IGF2R: variants seen among roughly 807,000 people sequenced by gnomAD.
IGF2R encodes the protein cation-independent mannose-6-phosphate receptor.
In IGF2R, 91 loss-of-function variants were observed where a neutral mutation model predicts 270.6. The ratio of observed to expected loss-of-function variants is 0.34; its 90% confidence interval spans 0.28 to 0.40. IGF2R has a LOEUF of 0.40. Among genes scored for constraint, IGF2R ranks in the 10% least tolerant of loss-of-function variants. The probability of loss-of-function intolerance (pLI) is 1.00; values close to 1 mark genes in which losing one functional copy is unlikely to be tolerated. For missense variants in IGF2R, 2,805 were observed against 3,188.3 expected, an observed-to-expected ratio of 0.88 and a Z score of 2.90; for synonymous variants, 1,316 against 1,258.9, an observed-to-expected ratio of 1.05 and a Z score of -0.96.
intron 29 of IGF2R, among the ~76,000 whole-genome samples, chr6:160,065,383 C>G (rs1439111923): frequency 6.6e-6 from 1 of 152,172 alleles, no homozygotes; most frequent in African/African-American, 2.4e-5. Context: ...GTATGAGCCA[C>G]TTGATCACTG....
At chr6:160,043,742 C>T (rs917220511) in intron 12 of IGF2R, among the ~76,000 whole-genome samples, 5 of 152,308 alleles carry the variant, frequency 3.3e-5, no homozygotes, top group East Asian at 1.9e-4. Flanking sequence ...GTTTTGGTCC[C>T]GTAGCTGTCA....
Position 160,104,920 on chromosome 6 carries a change from G to T in IGF2R, c.7312G>T (p.Ala2438Ser). Reference sequence around the variant, plus strand: ...AGAGAGCTCCCACCCAGTGAGAAACGCACAGAGCAATGCCCTTCAGGAGCG... The same window carrying T: ...AGAGAGCTCCCACCCAGTGAGAAACTCACAGAGCAATGCCCTTCAGGAGCG... ...GAESSHPVRN[A>S]QSNALQERED... The change falls in exon 48 of 48, where the codon GCA becomes TCA. Residue 2438 changes from alanine to serine, a missense_variant. By Grantham distance (99) the Ala-to-Ser change is moderately conservative. Coordinates refer to ENST00000356956, the MANE Select transcript of IGF2R (RefSeq NM_000876.4). The T allele has an allele frequency of 6.2e-7, 1 of 1,614,156 alleles. No individual in the cohort carries two copies.
At chr6:160,081,298 C>T (rs1463124265) in intron 39 of IGF2R, among the ~76,000 whole-genome samples, 2 of 151,914 alleles carry the variant, frequency 1.3e-5, no homozygotes, top group Non-Finnish European at 2.9e-5. Context: ...CCGGGGGAGA[C>T]ATTACATGTT....
intron 33 of IGF2R, 93 bp downstream of exon 33, chr6:160,072,977 C>T: frequency 6.6e-7 from 1 of 1,506,994 alleles, no homozygotes; most frequent in South Asian, 1.3e-5. Flanking sequence ...AAAGGATGAG[C>T]AGAGCCAGGA....
chr6:160,062,607 G>T lies in IGF2R; in HGVS notation c.3658G>T (p.Val1220Phe). 1 of 1,613,088 alleles carries T rather than the reference G, an allele frequency of 6.2e-7. No individual in the cohort carries two copies. Among genetic ancestry groups the T allele is most frequent in the Non-Finnish European group, 8.5e-7 (1 of 1,179,108 alleles). ...GAGAACTGTGGAAGCCTGTCCCGTT[G>T]TCAGAGTGGAAGGTAGGACTGGGCC... ...IWRTVEACPV[V>F]RVEGDNCEVK... Residue 1220 changes from valine (V) to phenylalanine (F), a missense_variant, in exon 26 of 48, where the codon GTC becomes TTC. This residue lies in a region of IGF2R where 1,851 missense variants were observed against 2,207.2 expected (regional missense o/e 0.84). Coordinates refer to ENST00000356956, the MANE Select transcript of IGF2R (RefSeq NM_000876.4).
rs1336238959 is a variant in IGF2R at position 160,012,701 on chromosome 6, A to G, written c.513+1916A>G. 2.0e-5 allele frequency among the ~76,000 whole-genome samples: 3 copies of G among 150,924 alleles called. No homozygotes were observed. The South Asian group carries it at 6.3e-4, about 32-fold the overall frequency. On this transcript the variant is annotated intron_variant, in intron 4 of 47. Transcript: ENST00000356956. ...ACACAAGATTTGAGTGGGGACACAC[A>G]GTCATCCTGGGATTACAGGCATGAG...
chr6:160,033,124 T>G lies in IGF2R; in HGVS notation c.1211+17T>G, dbSNP rs771192903. 5 of 1,595,382 alleles carry G rather than the reference T, an allele frequency of 3.1e-6. No homozygotes were observed. The highest frequency in any genetic ancestry group is 4.3e-6 in the Non-Finnish European group (5 of 1,165,222). On this transcript the variant is annotated intron_variant, in intron 9 of 47. Transcript: ENST00000356956. Reference sequence around the variant, plus strand: ...GACCCTCCGGTACGTCAACAACCTCTGTGCGATTTTCCTTTTTCTTTGTAT... The same window carrying G: ...GACCCTCCGGTACGTCAACAACCTCGGTGCGATTTTCCTTTTTCTTTGTAT...
Position 160,027,631 on chromosome 6 carries a change from C to T in IGF2R, c.776+317C>T, listed in dbSNP as rs143911444. Among the ~76,000 whole-genome samples the T allele has an allele frequency of 6.1e-3, 934 of 152,296 alleles. 9 individuals are homozygous for T. The highest frequency in any genetic ancestry group is 0.021 in the African/African-American group (868 of 41,556). ...CTGATATTTTTCATTCTGTGGCACC[C>T]GTGAAATTGATTTTGTGTCCATTGT... is the stretch of plus-strand genomic sequence containing the variant. On this transcript the variant is annotated intron_variant, in intron 6 of 47. Coordinates refer to ENST00000356956, the MANE Select transcript of IGF2R (RefSeq NM_000876.4).
chr6:160,088,840 G>C (rs1360180191), intron 42 of IGF2R, among the ~76,000 whole-genome samples: 1 of 152,236 alleles, frequency 6.6e-6, no homozygotes, highest in Non-Finnish European at 1.5e-5. Flanking sequence ...GTGCACCACA[G>C]TCATCTTCCC....
At chr6:160,053,908 G>T (rs975877817) in intron 19 of IGF2R, among the ~76,000 whole-genome samples, 2 of 152,084 alleles carry the variant, frequency 1.3e-5, no homozygotes, top group Non-Finnish European at 1.5e-5. Flanking sequence ...AAGAGATGGG[G>T]GGTCTGTCTA....
chr6:160,060,925 A>G (rs1778426011), intron 23 of IGF2R, among the ~76,000 whole-genome samples: 1 of 152,228 alleles, frequency 6.6e-6, no homozygotes, highest in Admixed American at 6.5e-5. Context: ...ATCTGACTAT[A>G]TAGTTAATGG....
intron 5 of IGF2R, among the ~76,000 whole-genome samples, chr6:160,026,762 T>TTATCGA (rs1190665131): frequency 6.6e-6 from 1 of 152,246 alleles, no homozygotes; most frequent in African/African-American, 2.4e-5. Context: ...TAGACCAACG[T>TTATCGA]TATCGACATA....
intron 2 of IGF2R, among the ~76,000 whole-genome samples, chr6:159,992,507 T>G (rs7741314): frequency 0.21 from 32,467 of 152,006 alleles, 4,247 homozygotes; most frequent in East Asian, 0.57. Context: ...TAGGATAATG[T>G]GCTATTGTTC....
At chr6:159,994,529 G>T (rs1177914974) in intron 2 of IGF2R, among the ~76,000 whole-genome samples, 1 of 151,328 alleles carries the variant, frequency 6.6e-6, no homozygotes, top group Non-Finnish European at 1.5e-5. Flanking sequence ...TGCCATGAGG[G>T]TTACATTAGG....
chr6:160,097,518 T>G (rs1278522315), intron 45 of IGF2R, among the ~76,000 whole-genome samples: 2 of 152,108 alleles, frequency 1.3e-5, no homozygotes, highest in Non-Finnish European at 2.9e-5. Context: ...TTGGTAGAGA[T>G]GGGGTTTCAC....
At chr6:160,043,321 T>C in intron 12 of IGF2R, 33 bp downstream of exon 12, 1 of 1,599,642 alleles carries the variant, frequency 6.3e-7, no homozygotes, top group Non-Finnish European at 8.5e-7. Flanking sequence ...ATCTAGGTGA[T>C]GCTTTTCTAG....
At chr6:160,020,210 TAAAA>T (rs796479684) in intron 4 of IGF2R, among the ~76,000 whole-genome samples, 1 of 135,610 alleles carries the variant, frequency 7.4e-6, no homozygotes, top group African/African-American at 2.7e-5. Flanking sequence ...TTATAATCAC[TAAAA>T]AAAAAAAACC....
Position 160,105,026 on chromosome 6 carries a change from G to T in IGF2R, c.7418G>T (p.Ser2473Ile). Residue 2473 changes from serine (S) to isoleucine (I), a missense_variant, in exon 48 of 48, where the codon AGC becomes ATC. This residue lies in a region of IGF2R where 1,851 missense variants were observed against 2,207.2 expected (regional missense o/e 0.84). Transcript: ENST00000356956. ...AGCTCTGCACAGCAGAAGACAGTGA[G>T]CTCCACCAAGCTGGTGTCCTTCCAT... ...KSSSAQQKTV[S>I]STKLVSFHDD... 6.2e-7 allele frequency: 1 copy of T among 1,612,008 alleles called. No homozygotes were observed. Among genetic ancestry groups the T allele is most frequent in the Non-Finnish European group, 8.5e-7 (1 of 1,179,026 alleles).
rs2114749165 is a variant in IGF2R at position 160,106,672 on chromosome 6, GA to G, written c.*1589del. On this transcript the variant is annotated 3_prime_UTR_variant, in exon 48 of 48. Coordinates refer to ENST00000356956, the MANE Select transcript of IGF2R (RefSeq NM_000876.4). ...GGGTTTTAACTCTGGTGTTCTCGTT[GA>G]CCCTTTATGAGGCAGCACTTTCATT... is the stretch of plus-strand genomic sequence containing the variant. 1 of 152,162 alleles carries G rather than the reference GA, an allele frequency of 6.6e-6. No individual in the cohort carries two copies. The highest frequency in any genetic ancestry group is 2.4e-5 in the African/African-American group (1 of 41,486). The allele number at this position is 152,162 out of a possible 1,614,324, so 9.4% of individuals were successfully genotyped here.
Sources: allele counts gnomAD v4.1 joint callset (sites outside exome capture counted in the v4.1 genomes callset), GRCh38; gene constraint gnomAD v4.1.1; regional missense constraint gnomAD v4.1.1; transcripts MANE v1.5; gene names NCBI Gene and HGNC (gene_info 2026-07-23, HGNC 2026-07-21).